Variants in SLC25A12 observed in about 807,000 individuals in gnomAD.
SLC25A12 encodes the protein solute carrier family 25 member 12, also known as electrogenic aspartate/glutamate antiporter SLC25A12, mitochondrial.
In SLC25A12, 32 loss-of-function variants were observed where a neutral mutation model predicts 83.3. The observed-to-expected ratio is 0.38, with a 90% CI of 0.29 to 0.52. The LOEUF is 0.52. Ranked by LOEUF, SLC25A12 falls within the 20% of genes least tolerant of loss-of-function variation. The pLI, the probability that SLC25A12 is intolerant of heterozygous loss-of-function variation, is 0.84. For missense variants in SLC25A12, 611 were observed against 835.6 expected (o/e 0.73, Z 3.31); for synonymous variants, 267 against 291.1 (o/e 0.92, Z 0.84).
At chr2:171,879,738 A>C (rs1685650411) in intron 2 of SLC25A12, among the ~76,000 whole-genome samples, 1 of 152,212 alleles carries the variant, frequency 6.6e-6, no homozygotes, top group Non-Finnish European at 1.5e-5. Flanking sequence ...TCGCTTTGAC[A>C]ATCAAGGTGC....
At chr2:171,865,510 A>G (rs1685270222) in intron 3 of SLC25A12, among the ~76,000 whole-genome samples, 1 of 151,894 alleles carries the variant, frequency 6.6e-6, no homozygotes, top group Non-Finnish European at 1.5e-5. Context: ...AAAATACAAA[A>G]ATCAGCCAGG....
In SLC25A12 at chr2:171,825,241, T is replaced by C. The variant is rs557884713; in HGVS notation, c.930+1557A>G. 7.9e-5 allele frequency among the ~76,000 whole-genome samples: 12 copies of C among 152,366 alleles called. No individual in the cohort carries two copies. The East Asian group carries it at 1.7e-3, about 22-fold the overall frequency. On this transcript the variant is annotated intron_variant, in intron 9 of 17. Coordinates refer to ENST00000422440, the MANE Select transcript of SLC25A12 (RefSeq NM_003705.5). ...ATCAAGCAAACAGTTAAAGTATTAA[T>C]ACAAAATGCAGATATAATGGTTTCT...
chr2:171,879,642 C>G (rs765136798), intron 2 of SLC25A12, among the ~76,000 whole-genome samples: 8 of 152,118 alleles, frequency 5.3e-5, no homozygotes, highest in Non-Finnish European at 8.8e-5. Flanking sequence ...TGCATCATTC[C>G]TTAAATAAAT....
In SLC25A12 at chr2:171,875,673, G is replaced by A. The variant is rs181171876; in HGVS notation, c.67-6850C>T. On this transcript the variant is annotated intron_variant, in intron 2 of 17. Coordinates refer to ENST00000422440, the MANE Select transcript of SLC25A12 (RefSeq NM_003705.5). ...TCACACCTGTAATCTCAGCACTTTGGGAGGCGGAGACGGGTGGATCACGAG... is the reference window on the plus strand; with the variant it reads ...TCACACCTGTAATCTCAGCACTTTGAGAGGCGGAGACGGGTGGATCACGAG... Among the ~76,000 whole-genome samples, 228 of 151,478 alleles carry A rather than the reference G, an allele frequency of 1.5e-3. 4 individuals are homozygous for A. The highest frequency in any genetic ancestry group is 2.0e-3 in the Admixed American group (31 of 15,206).
At chr2:171,796,871 G>A (rs921798827) in intron 13 of SLC25A12, among the ~76,000 whole-genome samples, 2 of 152,164 alleles carry the variant, frequency 1.3e-5, no homozygotes, top group African/African-American at 4.8e-5. Flanking sequence ...TTCGGATTCT[G>A]AGGTTGACCA....
chr2:171,868,742 G>C lies in SLC25A12; in HGVS notation c.148C>G (p.Pro50Ala). The part of the protein sequence containing the change: ...VQRYLGLYND[P>A]NSNPKIVQLL... ...TGCACGATCTTTGGGTTACTATTTGGATCATTATACAGTCCAAGATAGCGC... is the reference window on the plus strand; with the variant it reads ...TGCACGATCTTTGGGTTACTATTTGCATCATTATACAGTCCAAGATAGCGC... Residue 50 changes from proline (P) to alanine (A), a missense_variant, in exon 3 of 18, where the codon CCA becomes GCA. By Grantham distance (27) the Pro-to-Ala change is conservative. Coordinates refer to ENST00000422440, the MANE Select transcript of SLC25A12 (RefSeq NM_003705.5). 3.7e-6 allele frequency: 6 copies of C among 1,613,880 alleles called. No individual in the cohort carries two copies. The highest frequency in any genetic ancestry group is 5.1e-6 in the Non-Finnish European group (6 of 1,179,834).
chr2:171,843,169 A>T (rs761360945), intron 5 of SLC25A12, among the ~76,000 whole-genome samples: 1 of 152,094 alleles, frequency 6.6e-6, no homozygotes, highest in Non-Finnish European at 1.5e-5. Flanking sequence ...TTTACCTCAA[A>T]TTTTTTTAAA....
intron 2 of SLC25A12, among the ~76,000 whole-genome samples, chr2:171,888,180 G>A (rs926349485): frequency 4.1e-5 from 6 of 145,418 alleles, no homozygotes; most frequent in African/African-American, 1.3e-4. Flanking sequence ...TTGTAACCTC[G>A]AACTTCTGGG....
chr2:171,829,921 T>C (rs1301437068), intron 8 of SLC25A12, among the ~76,000 whole-genome samples: 1 of 152,172 alleles, frequency 6.6e-6, no homozygotes, highest in African/African-American at 2.4e-5. Flanking sequence ...CCCATGGGAA[T>C]GAACAACTGG....
intron 5 of SLC25A12, among the ~76,000 whole-genome samples, chr2:171,842,166 A>G (rs769967530): frequency 2.0e-5 from 3 of 152,170 alleles, no homozygotes; most frequent in Non-Finnish European, 4.4e-5. Flanking sequence ...AAAATATAAC[A>G]TATTTATACT....
intron 5 of SLC25A12, among the ~76,000 whole-genome samples, chr2:171,838,337 G>A (rs1684600724): frequency 6.6e-6 from 1 of 151,858 alleles, no homozygotes; most frequent in African/African-American, 2.4e-5. Context: ...ATTTTCCCAT[G>A]ACCTCAGCTC....
At chr2:171,877,235 GAGA>G (rs1685591514) in intron 2 of SLC25A12, among the ~76,000 whole-genome samples, 3 of 152,170 alleles carry the variant, frequency 2.0e-5, no homozygotes, top group Admixed American at 2.0e-4. Flanking sequence ...AGCTCCAAAT[GAGA>G]AGATCATGCC....
intron 3 of SLC25A12, among the ~76,000 whole-genome samples, chr2:171,866,632 G>GA (rs1685319868): frequency 7.0e-6 from 1 of 143,192 alleles, no homozygotes; most frequent in Non-Finnish European, 1.5e-5. Context: ...TGGCCGGGCG[G>GA]GGGGCTGACC....
intron 10 of SLC25A12, among the ~76,000 whole-genome samples, chr2:171,814,549 A>T (rs1684009907): frequency 6.6e-6 from 1 of 151,802 alleles, no homozygotes. Flanking sequence ...TCACATAGGT[A>T]AACACGTGTC....
At chr2:171,807,765 T>C (rs1041331669) in intron 13 of SLC25A12, among the ~76,000 whole-genome samples, 7 of 152,252 alleles carry the variant, frequency 4.6e-5, no homozygotes, top group Admixed American at 3.3e-4. Flanking sequence ...TTTTATTCTA[T>C]GTCCACTGTT....
chr2:171,817,599 T>TAAAAAA (rs1684080265), intron 9 of SLC25A12, among the ~76,000 whole-genome samples: 2 of 6,702 alleles, frequency 3.0e-4, no homozygotes, highest in Non-Finnish European at 6.4e-4. Flanking sequence ...AGACTCTGCC[T>TAAAAAA]CAAAAAAAAA....
At chr2:171,820,500 G>A (rs13022113) in intron 9 of SLC25A12, among the ~76,000 whole-genome samples, 42,411 of 148,652 alleles carry the variant, frequency 0.29, 6,357 homozygotes, top group African/African-American at 0.36. Flanking sequence ...AGGCCGAGGC[G>A]GGCGGATCAC....
Position 171,783,737 on chromosome 2 carries a change from A to G in SLC25A12, c.*1537T>C, listed in dbSNP as rs1177447370. Among the ~76,000 whole-genome samples, 2 of 152,214 alleles carry G rather than the reference A, an allele frequency of 1.3e-5. No individual in the cohort carries two copies. Among genetic ancestry groups the G allele is most frequent in the Non-Finnish European group, 2.9e-5 (2 of 68,044 alleles). On this transcript the variant is annotated 3_prime_UTR_variant, in exon 18 of 18. Transcript: ENST00000422440. ...ATTTCTAACAAGTGGTAGTAGCAAA[A>G]CAACTGTATTATTATTTGTTCCACT...
chr2:171,866,876 C>T (rs573784486), intron 3 of SLC25A12, among the ~76,000 whole-genome samples: 1,797 of 149,868 alleles, frequency 0.012, 30 homozygotes, highest in African/African-American at 0.041. Context: ...ACTTCCCAGA[C>T]GGGGCGGCTG....
Sources: allele counts gnomAD v4.1 joint callset (sites outside exome capture counted in the v4.1 genomes callset), GRCh38; gene constraint gnomAD v4.1.1; transcripts MANE v1.5; gene names NCBI Gene and HGNC (gene_info 2026-07-23, HGNC 2026-07-21).